ELP3: variants seen among roughly 807,000 people sequenced by gnomAD.
ELP3 encodes the protein elongator complex protein 3.
A neutral mutation model predicts 74.9 loss-of-function variants in ELP3; 56 were observed. The ratio of observed to expected loss-of-function variants is 0.75; its 90% CI spans 0.60 to 0.93. ELP3 has a LOEUF of 0.93. Ranked by LOEUF, ELP3 falls within the 40% of genes least tolerant of loss-of-function variation. ELP3 has a pLI of 0.00. For missense variants in ELP3, 573 were observed against 686.5 expected, an observed-to-expected ratio of 0.83 and a Z score of 1.85; for synonymous variants, 222 against 239.8, an observed-to-expected ratio of 0.93 and a Z score of 0.68.
At chr8:28,173,356 T>C (rs1011026237) in intron 14 of ELP3, among the ~76,000 whole-genome samples, 1 of 151,980 alleles carries the variant, frequency 6.6e-6, no homozygotes, top group Non-Finnish European at 1.5e-5. Flanking sequence ...TTCTAGAAAT[T>C]TGTTTCATCT....
At chr8:28,164,325 A>T (rs1814221723) in intron 14 of ELP3, among the ~76,000 whole-genome samples, 1 of 152,184 alleles carries the variant, frequency 6.6e-6, no homozygotes, top group Non-Finnish European at 1.5e-5. Context: ...GCTTTTTATC[A>T]TAATCTAAAT....
At chr8:28,140,674 G>A (rs549029607) in intron 10 of ELP3, among the ~76,000 whole-genome samples, 9 of 152,240 alleles carry the variant, frequency 5.9e-5, no homozygotes, top group African/African-American at 2.2e-4. Flanking sequence ...TGTCCTTCTT[G>A]CAGTCTGTTT....
intron 14 of ELP3, among the ~76,000 whole-genome samples, chr8:28,164,972 C>G (rs549004669): frequency 6.6e-6 from 1 of 151,984 alleles, no homozygotes; most frequent in Non-Finnish European, 1.5e-5. Flanking sequence ...TCTTTATGAC[C>G]GTGCTGGTGT....
At chr8:28,171,068 A>G (rs979210084) in intron 14 of ELP3, among the ~76,000 whole-genome samples, 1 of 152,006 alleles carries the variant, frequency 6.6e-6, no homozygotes, top group African/African-American at 2.4e-5. Context: ...TATATACCAC[A>G]TTTTGCTTAT....
At position 28,174,758 on chromosome 8, in the gene ELP3, C is replaced by T. The variant is rs980465153; in HGVS notation, c.1567+12680C>T. ...ATATTCTTTATTTCTTCATATGGTT[C>T]CAAGTTACTGCCTATTCTTTCAATT... On this transcript the variant is annotated intron_variant, in intron 14 of 14. Coordinates refer to ENST00000256398, the MANE Select transcript of ELP3 (RefSeq NM_018091.6). 5.9e-5 allele frequency among the ~76,000 whole-genome samples: 9 copies of T among 152,012 alleles called. No homozygotes were observed. The East Asian group carries it at 1.7e-3, about 29-fold the overall frequency.
chr8:28,128,719 A>C (rs975136177), intron 7 of ELP3, among the ~76,000 whole-genome samples: 3 of 152,162 alleles, frequency 2.0e-5, no homozygotes, highest in African/African-American at 7.2e-5. Context: ...AGCTAGTGGG[A>C]GGATTCAGTA....
chr8:28,105,609 A>G (rs1332735306), intron 3 of ELP3, among the ~76,000 whole-genome samples: 1 of 152,220 alleles, frequency 6.6e-6, no homozygotes, highest in Non-Finnish European at 1.5e-5. Context: ...GTATAGCTGC[A>G]TACATAACAT....
rs551122083 is a variant in ELP3, at chr8:28,103,242, G to A, written c.258+3276G>A. Among the ~76,000 whole-genome samples, 13 of 152,234 alleles carry A rather than the reference G, an allele frequency of 8.5e-5. No homozygotes were observed. In the South Asian group the frequency reaches 1.2e-3, roughly 15 times the overall value. Reference sequence around the variant, plus strand: ...CCCTTTCCCTCTGCATGTTCTAGACGTAACCTGACTTCCACTGATTGTTTT... The same window carrying A: ...CCCTTTCCCTCTGCATGTTCTAGACATAACCTGACTTCCACTGATTGTTTT... On this transcript the variant is annotated intron_variant, in intron 3 of 14. Coordinates refer to ENST00000256398, the MANE Select transcript of ELP3 (RefSeq NM_018091.6).
intron 7 of ELP3, among the ~76,000 whole-genome samples, chr8:28,117,480 C>T (rs1283800246): frequency 6.6e-6 from 1 of 152,116 alleles, no homozygotes; most frequent in African/African-American, 2.4e-5. Context: ...ATATTCTAGG[C>T]AGTGCCAGTG....
At chr8:28,170,250 G>C (rs1814467128) in intron 14 of ELP3, among the ~76,000 whole-genome samples, 1 of 152,232 alleles carries the variant, frequency 6.6e-6, no homozygotes. Flanking sequence ...GATGCTGTCA[G>C]CCGTAGTGGT....
chr8:28,161,720 T>C (rs1585729118), intron 13 of ELP3, among the ~76,000 whole-genome samples: 1 of 152,102 alleles, frequency 6.6e-6, no homozygotes, highest in Non-Finnish European at 1.5e-5. Context: ...GAGACTGAAT[T>C]TGAGAGGGAA....
intron 14 of ELP3, among the ~76,000 whole-genome samples, chr8:28,178,496 C>T (rs550138582): frequency 1.3e-5 from 2 of 152,282 alleles, no homozygotes; most frequent in East Asian, 1.9e-4. Flanking sequence ...ATTGAGTCAA[C>T]GTTGTAGTAG....
chr8:28,117,932 A>G (rs1465079308), intron 7 of ELP3, among the ~76,000 whole-genome samples: 1 of 152,192 alleles, frequency 6.6e-6, no homozygotes, highest in Non-Finnish European at 1.5e-5. Context: ...AGCAGCCCAG[A>G]GAAGTTGTGG....
intron 7 of ELP3, among the ~76,000 whole-genome samples, chr8:28,123,283 T>C (rs529790857): frequency 6.6e-6 from 1 of 152,344 alleles, no homozygotes; most frequent in Non-Finnish European, 1.5e-5. Flanking sequence ...CCATGGAATG[T>C]ATAGGAATGG....
intron 7 of ELP3, among the ~76,000 whole-genome samples, chr8:28,115,699 T>G (rs1338287456): frequency 6.6e-6 from 1 of 152,164 alleles, no homozygotes; most frequent in East Asian, 1.9e-4. Context: ...GGTGGTAGAA[T>G]GGGATATAAA....
intron 7 of ELP3, among the ~76,000 whole-genome samples, chr8:28,119,383 C>CATATCTGAATGGATAGTGG (rs1812264443): frequency 6.6e-6 from 1 of 151,830 alleles, no homozygotes. Context: ...GTCAGTTCCA[C>CATATCTGAATGGATAGTGG]TATCCATTCA....
intron 14 of ELP3, among the ~76,000 whole-genome samples, chr8:28,185,912 G>C (rs982411254): frequency 6.6e-6 from 1 of 152,174 alleles, no homozygotes; most frequent in African/African-American, 2.4e-5. Flanking sequence ...TCCGAATTCT[G>C]ATTTTAAATA....
intron 10 of ELP3, among the ~76,000 whole-genome samples, chr8:28,150,312 T>A (rs888958784): frequency 2.6e-5 from 4 of 152,228 alleles, no homozygotes; most frequent in Non-Finnish European, 5.9e-5. Context: ...ACATTTCTCT[T>A]TATGTAGGTC....
chr8:28,137,116 A>G (rs1396195797), intron 9 of ELP3, among the ~76,000 whole-genome samples: 1 of 152,236 alleles, frequency 6.6e-6, no homozygotes, highest in Non-Finnish European at 1.5e-5. Flanking sequence ...TATAGTAAAC[A>G]TTTTAAATTT....
Sources: allele counts gnomAD v4.1 joint callset (sites outside exome capture counted in the v4.1 genomes callset), GRCh38; gene constraint gnomAD v4.1.1; transcripts MANE v1.5; gene names NCBI Gene and HGNC (gene_info 2026-07-23, HGNC 2026-07-21).